Variants in ZC3H3 observed in about 807,000 individuals in gnomAD.
ZC3H3 encodes zinc finger CCCH domain-containing protein 3.
A neutral mutation model predicts 77.3 loss-of-function variants in ZC3H3; 36 were observed. The ratio of observed to expected loss-of-function variants is 0.47; its 90% CI spans 0.36 to 0.61. ZC3H3 has a LOEUF of 0.61. ZC3H3 is among the 20% of genes least tolerant of loss of function. The pLI, the probability that ZC3H3 is intolerant of heterozygous loss-of-function variation, is 0.00. For missense variants in ZC3H3, 1,331 were observed against 1,312.2 expected, an observed-to-expected ratio of 1.01 and a Z score of -0.22; for synonymous variants, 626 against 555.2, an observed-to-expected ratio of 1.13 and a Z score of -1.79.
intron 8 of ZC3H3, among the ~76,000 whole-genome samples, chr8:143,466,590 A>T (rs1202357352): frequency 1.3e-5 from 2 of 152,158 alleles, no homozygotes; most frequent in Non-Finnish European, 2.9e-5. Flanking sequence ...CAGGGAGGGA[A>T]GCAGGGGGTC....
At chr8:143,496,594 C>T (rs1012380460) in intron 4 of ZC3H3, among the ~76,000 whole-genome samples, 3 of 152,140 alleles carry the variant, frequency 2.0e-5, no homozygotes, top group Admixed American at 6.6e-5. Flanking sequence ...AGGGCAAAGG[C>T]GACAGGGAAA....
chr8:143,483,637 T>C (rs957119552), intron 4 of ZC3H3, among the ~76,000 whole-genome samples: 13 of 152,156 alleles, frequency 8.5e-5, no homozygotes, highest in African/African-American at 3.1e-4. Flanking sequence ...GGGGCAGGGC[T>C]AAATGCTCAA....
At chr8:143,441,476 G>T (rs1010312938) in intron 9 of ZC3H3, among the ~76,000 whole-genome samples, 1 of 152,184 alleles carries the variant, frequency 6.6e-6, no homozygotes, top group African/African-American at 2.4e-5. Context: ...CATCCTGGCA[G>T]CACAGAGGGA....
intron 4 of ZC3H3, among the ~76,000 whole-genome samples, chr8:143,495,332 A>C (rs1821317499): frequency 6.6e-6 from 1 of 152,236 alleles, no homozygotes; most frequent in Non-Finnish European, 1.5e-5. Flanking sequence ...CATTGACAGA[A>C]GCTCCAGAGC....
Position 143,541,411 on chromosome 8 carries a change from T to G in ZC3H3, c.11A>C (p.Lys4Thr), listed in dbSNP as rs1358783258. 1 of 1,611,712 alleles carries G rather than the reference T, an allele frequency of 6.2e-7. No homozygotes were observed. Among genetic ancestry groups the G allele is most frequent in the African/African-American group, 1.3e-5 (1 of 74,722 alleles). Reference sequence around the variant, plus strand: ...GCGGATCTGCCGCCGTAATATCTCCTTTTCCTCCATCTCCCGAGTCCGCGA... The same window carrying G: ...GCGGATCTGCCGCCGTAATATCTCCGTTTCCTCCATCTCCCGAGTCCGCGA... MEE[K>T]EILRRQIRLL... Residue 4 changes from lysine (K) to threonine (T), a missense_variant, in exon 1 of 12, where the codon AAG (lysine) becomes ACG (threonine). By Grantham distance (78) the Lys-to-Thr change is moderately conservative. Around this residue, in one of 3 missense-constraint regions of ZC3H3, gnomAD observed 978 missense variants for 915.5 expected, o/e 1.07. Transcript: ENST00000262577.
At chr8:143,536,820 G>A (rs367881819) in intron 2 of ZC3H3, among the ~76,000 whole-genome samples, 5 of 152,172 alleles carry the variant, frequency 3.3e-5, no homozygotes, top group South Asian at 4.1e-4. Flanking sequence ...CATCCCTGAG[G>A]AGAGCGGCCA....
At chr8:143,438,168 A>C in intron 11 of ZC3H3, 81 bp from the exon 12 acceptor site, 3 of 1,535,314 alleles carry the variant, frequency 2.0e-6, no homozygotes, top group Non-Finnish European at 1.8e-6. Flanking sequence ...GATCGGGCTC[A>C]GGATCGGGGG....
At chr8:143,483,879 G>A (rs1820976373) in intron 4 of ZC3H3, among the ~76,000 whole-genome samples, 1 of 152,204 alleles carries the variant, frequency 6.6e-6, no homozygotes, top group African/African-American at 2.4e-5. Flanking sequence ...CGGCACCATG[G>A]CCAGATGGGC....
chr8:143,523,292 C>T, intron 3 of ZC3H3: 1 of 984,396 alleles, frequency 1.0e-6, no homozygotes, highest in Non-Finnish European at 1.2e-6. Context: ...ATAGCAAAGA[C>T]AGACGCACGA....
intron 3 of ZC3H3, among the ~76,000 whole-genome samples, chr8:143,520,677 C>T (rs1224715922): frequency 2.6e-5 from 4 of 152,206 alleles, no homozygotes; most frequent in Non-Finnish European, 2.9e-5. Context: ...AGGTTCTAGG[C>T]CTTTCCACGT....
At chr8:143,522,858 G>C (rs1822294488) in intron 3 of ZC3H3, among the ~76,000 whole-genome samples, 1 of 152,152 alleles carries the variant, frequency 6.6e-6, no homozygotes, top group African/African-American at 2.4e-5. Flanking sequence ...CTGGGAGGCA[G>C]AGATTACAGT....
At chr8:143,481,540 G>A (rs986444485) in intron 4 of ZC3H3, among the ~76,000 whole-genome samples, 26 of 152,240 alleles carry the variant, frequency 1.7e-4, no homozygotes, top group Non-Finnish European at 2.2e-4. Flanking sequence ...CCCGCCAGGG[G>A]CTCCACAGCA....
At chr8:143,509,080 G>A (rs1337953812) in intron 3 of ZC3H3, among the ~76,000 whole-genome samples, 2 of 152,032 alleles carry the variant, frequency 1.3e-5, no homozygotes, top group East Asian at 1.9e-4. Flanking sequence ...TCCCTCAGGC[G>A]TTCCCCCAGC....
At chr8:143,479,215 C>T (rs1211222753) in intron 4 of ZC3H3, among the ~76,000 whole-genome samples, 1 of 152,170 alleles carries the variant, frequency 6.6e-6, no homozygotes, top group Non-Finnish European at 1.5e-5. Flanking sequence ...GCCCTGGCTG[C>T]CTGGCTGGCT....
At chr8:143,532,443 A>G (rs1586966503) in intron 3 of ZC3H3, among the ~76,000 whole-genome samples, 1 of 152,340 alleles carries the variant, frequency 6.6e-6, no homozygotes, top group East Asian at 1.9e-4. Flanking sequence ...TGAAGAGGAG[A>G]GGTGGAGCTG....
In ZC3H3 at chr8:143,460,958, G is replaced by A. The variant is rs367804851; in HGVS notation, c.2307+4759C>T. On this transcript the variant is annotated intron_variant, in intron 9 of 11. Transcript: ENST00000262577. This position sits in a 1 kb window ranked among gnomAD's most constrained non-coding sequence, Gnocchi z 4.0. ...GGTGTCTAACTAGGGTTTGGGAAGC[G>A]GGGAGTGGAGAGTCATTGCTGAATA... Among the ~76,000 whole-genome samples the A allele has an allele frequency of 3.3e-5, 5 of 152,178 alleles. No individual in the cohort carries two copies. The highest frequency in any genetic ancestry group is 2.1e-4 in the South Asian group (1 of 4,822).
At chr8:143,476,505 G>A (rs1362701593) in intron 4 of ZC3H3, among the ~76,000 whole-genome samples, 1 of 152,172 alleles carries the variant, frequency 6.6e-6, no homozygotes, top group African/African-American at 2.4e-5. Context: ...CACTCCAGAG[G>A]CACCTCCCTG....
intron 3 of ZC3H3, among the ~76,000 whole-genome samples, chr8:143,526,070 G>A (rs1282302627): frequency 1.3e-5 from 2 of 152,234 alleles, no homozygotes; most frequent in African/African-American, 4.8e-5. Flanking sequence ...GTCCACCCAG[G>A]GCTACACCAA....
chr8:143,461,415 A>G (rs998736221), intron 9 of ZC3H3, among the ~76,000 whole-genome samples: 11 of 152,312 alleles, frequency 7.2e-5, no homozygotes, highest in African/African-American at 2.6e-4. Flanking sequence ...AGTGTCAAAC[A>G]GTGAAGCCGT....
Sources: allele counts gnomAD v4.1 joint callset (sites outside exome capture counted in the v4.1 genomes callset), GRCh38; gene constraint gnomAD v4.1.1; regional missense constraint gnomAD v4.1.1; non-coding constraint Gnocchi (gnomAD v3.1); transcripts MANE v1.5; gene names NCBI Gene and HGNC (gene_info 2026-07-23, HGNC 2026-07-21).